Variants in ARID1A observed in about 807,000 individuals in gnomAD.
The protein encoded by ARID1A is AT-rich interaction domain 1A.
Under a neutral mutation model 212.6 loss-of-function variants are expected in ARID1A, and 20 were observed. The observed-to-expected ratio is 0.09, with a 90% CI of 0.07 to 0.14. The LOEUF is 0.14. ARID1A is among the 10% of genes least tolerant of loss of function. ARID1A has a pLI of 1.00. For synonymous variants in ARID1A, 1,376 were observed against 1,222.1 expected (o/e 1.13, Z -2.63); for missense variants, 2,587 against 3,059.0 (o/e 0.85, Z 3.64).
rs770028999 is a variant in ARID1A, at chr1:26,763,273, C to G, written c.2720C>G (p.Ser907Cys). 9 of 1,603,696 alleles carry G rather than the reference C, an allele frequency of 5.6e-6. No homozygotes were observed. In the South Asian group the frequency reaches 8.9e-5, roughly 16 times the overall value. Reference sequence around the variant, plus strand: ...GTCGCCATGCATGTTGCTGCCAACTCTATCCAAAACAGGTAAGGCCTGGGA... The same window carrying G: ...GTCGCCATGCATGTTGCTGCCAACTGTATCCAAAACAGGTAAGGCCTGGGA... ...TAVAMHVAAN[S>C]IQNRPPGYPN... The change falls in exon 8 of 20, where the codon TCT becomes TGT. Residue 907 changes from serine to cysteine, a missense_variant. Ser to Cys is a moderately radical substitution (Grantham distance 112). This residue lies in a region of ARID1A where 674 missense variants were observed against 813.4 expected (regional missense o/e 0.83). Coordinates refer to ENST00000324856, the MANE Select transcript of ARID1A (RefSeq NM_006015.6).
intron 1 of ARID1A, among the ~76,000 whole-genome samples, chr1:26,721,612 C>G (rs1248579969): frequency 6.6e-6 from 1 of 152,106 alleles, no homozygotes; most frequent in East Asian, 1.9e-4. Flanking sequence ...TAAGTTTAGT[C>G]TTAGGAAAAA....
At chr1:26,698,825 C>T (rs1028863866) in intron 1 of ARID1A, among the ~76,000 whole-genome samples, 2 of 151,938 alleles carry the variant, frequency 1.3e-5, no homozygotes, top group African/African-American at 4.8e-5. Context: ...TTATGGGGGG[C>T]CAGAAAACAG....
intron 4 of ARID1A, among the ~76,000 whole-genome samples, chr1:26,750,987 G>T (rs1041730699): frequency 6.6e-6 from 1 of 152,136 alleles, no homozygotes; most frequent in Non-Finnish European, 1.5e-5. Flanking sequence ...GGGCATGGTG[G>T]CTCACACCTG....
intron 19 of ARID1A, among the ~76,000 whole-genome samples, chr1:26,776,402 T>A (rs921795771): frequency 2.0e-5 from 3 of 151,854 alleles, no homozygotes; most frequent in Non-Finnish European, 4.4e-5. Context: ...GCCTCCCAAG[T>A]AGCTGGGACT....
In ARID1A at chr1:26,771,033, A is replaced by AC; in HGVS notation, c.3199-84dup. 8.2e-7 allele frequency: 1 copy of AC among 1,217,738 alleles called. No individual in the cohort carries two copies. 75.4% of individuals were successfully genotyped at this position (1,217,738 alleles called of 1,614,324 possible). ...GAACTGTGGTTCTACAAAGATGAAT[A>AC]CCTTACAGCCTGATGGGGCTTGGGG... On this transcript the variant is annotated intron_variant, in intron 11 of 19. Coordinates refer to ENST00000324856, the MANE Select transcript of ARID1A (RefSeq NM_006015.6). This position sits in a 1 kb window ranked among gnomAD's most constrained non-coding sequence, Gnocchi z 5.4.
At chr1:26,756,964 A>G (rs1370228286) in intron 4 of ARID1A, among the ~76,000 whole-genome samples, 1 of 152,098 alleles carries the variant, frequency 6.6e-6, no homozygotes. Flanking sequence ...AGCCTCCCAA[A>G]GTGCTGGGAT....
chr1:26,774,372 A>G lies in ARID1A; in HGVS notation c.4145A>G (p.Lys1382Arg), dbSNP rs2124117241. 6.4e-7 allele frequency: 1 copy of G among 1,565,604 alleles called. No homozygotes were observed. Among genetic ancestry groups the G allele is most frequent in the Non-Finnish European group, 8.7e-7 (1 of 1,153,296 alleles). ...PMDGTYGPPA[K>R]RHEGEMYSVP... is the part of the protein sequence containing the mutation. ...GATGGCACATATGGCCCTCCTGCCA[A>G]GCGGCACGAAGGGGAGATGTACAGC... The change falls in exon 18 of 20, where the codon AAG (lysine) becomes AGG (arginine). Residue 1382 changes from lysine (K) to arginine (R), a missense_variant. Physicochemically the swap from Lys to Arg is conservative, Grantham distance 26. Transcript: ENST00000324856. The surrounding 1 kb of genome is among the most constrained non-coding windows in gnomAD (Gnocchi z 5.6).
chr1:26,763,637 G>A (rs1403747068), intron 8 of ARID1A, among the ~76,000 whole-genome samples: 2 of 152,200 alleles, frequency 1.3e-5, no homozygotes, highest in Non-Finnish European at 2.9e-5. Flanking sequence ...GGGTGTGGTG[G>A]CGCACGCCTG....
chr1:26,731,708 C>T (rs1451295649), intron 3 of ARID1A, 104 bp downstream of exon 3: 1 of 1,258,180 alleles, frequency 7.9e-7, no homozygotes, highest in Admixed American at 2.2e-5. Flanking sequence ...CTAACGTGCA[C>T]TTAAAGACCA....
rs962566886 is a variant in ARID1A at position 26,696,599 on chromosome 1, C to A, written c.196C>A (p.Pro66Thr). 17 of 1,234,028 alleles carry A rather than the reference C, an allele frequency of 1.4e-5. No homozygotes were observed. The highest frequency in any genetic ancestry group is 1.6e-5 in the Non-Finnish European group (16 of 990,508). The allele number at this position is 1,234,028 out of a possible 1,614,324, so 76.4% of individuals were successfully genotyped here. The change falls in exon 1 of 20, where the codon CCG becomes ACG. Residue 66 changes from proline to threonine, a missense_variant. Transcript: ENST00000324856. ...AAGCGAGGGCCCCGCCGTGGGGCCG[C>A]CGCAGCCGCTGGGAAAGGAGCTGCA... ...QESEGPAVGP[P>T]QPLGKELQDG...
intron 4 of ARID1A, among the ~76,000 whole-genome samples, chr1:26,739,183 G>A (rs1333261304): frequency 9.9e-5 from 15 of 151,934 alleles, no homozygotes; most frequent in South Asian, 6.2e-4. Flanking sequence ...CACTGCGCCC[G>A]GCCCAGCTTC....
Position 26,762,287 on chromosome 1 carries a change from A to G in ARID1A, c.2387A>G (p.Tyr796Cys), listed in dbSNP as rs772620836. ...GSYQQNSMGS[Y>C]GPQGGQYGPQ... ...TACCAGCAGAACTCCATGGGGAGCT[A>G]TGGTCCCCAGGGGGGTCAGTATGGC... The change falls in exon 7 of 20, where the codon TAT becomes TGT. Residue 796 changes from tyrosine to cysteine, a missense_variant. Physicochemically the swap from Tyr to Cys is radical, Grantham distance 194. This residue lies in a region of ARID1A where 674 missense variants were observed against 813.4 expected (regional missense o/e 0.83). Coordinates refer to ENST00000324856, the MANE Select transcript of ARID1A (RefSeq NM_006015.6). The G allele has an allele frequency of 5.0e-6, 8 of 1,614,160 alleles. No homozygotes were observed. The highest frequency in any genetic ancestry group is 3.3e-5 in the Admixed American group (2 of 60,010).
intron 1 of ARID1A, among the ~76,000 whole-genome samples, chr1:26,723,332 A>G (rs1324342039): frequency 1.3e-5 from 2 of 152,202 alleles, no homozygotes; most frequent in Non-Finnish European, 2.9e-5. Flanking sequence ...GGAATGCCCT[A>G]TCACAGGGGA....
chr1:26,729,933 G>A (rs2080657714), intron 2 of ARID1A, 70 bp downstream of exon 2: 2 of 1,540,134 alleles, frequency 1.3e-6, no homozygotes, highest in Admixed American at 1.8e-5. Flanking sequence ...TATAGAATCA[G>A]AATGTATCCT....
At chr1:26,697,716 T>A (rs2080288593) in intron 1 of ARID1A, among the ~76,000 whole-genome samples, 176 bp downstream of exon 1, 1 of 151,780 alleles carries the variant, frequency 6.6e-6, no homozygotes. Context: ...TTCCTCTCCT[T>A]CCCTCCTTCA....
intron 1 of ARID1A, among the ~76,000 whole-genome samples, chr1:26,707,200 AT>A (rs751639614): frequency 3.3e-3 from 334 of 102,602 alleles, no homozygotes; most frequent in South Asian, 8.4e-3. Flanking sequence ...CGGCTGGCTA[AT>A]TTTTTTTTTT....
At chr1:26,756,580 A>C (rs1037005465) in intron 4 of ARID1A, among the ~76,000 whole-genome samples, 1 of 149,978 alleles carries the variant, frequency 6.7e-6, no homozygotes, top group Non-Finnish European at 1.5e-5. Context: ...AAAAAAAAAC[A>C]AAAAAACACA....
chr1:26,752,179 T>A (rs900733583), intron 4 of ARID1A, among the ~76,000 whole-genome samples: 16 of 152,336 alleles, frequency 1.1e-4, no homozygotes, highest in Non-Finnish European at 1.5e-4. Flanking sequence ...AGTACCTGCT[T>A]AATTAACTTC....
In ARID1A at chr1:26,697,268, C is replaced by T. The variant is rs778331057; in HGVS notation, c.865C>T (p.Pro289Ser). Residue 289 changes from proline (P) to serine (S), a missense_variant, in exon 1 of 20, where the codon CCC becomes TCC. Pro to Ser is a moderately conservative substitution (Grantham distance 74, BLOSUM62 -1). Coordinates refer to ENST00000324856, the MANE Select transcript of ARID1A (RefSeq NM_006015.6). The part of the protein sequence containing the change: ...PSAAGGGTPQ[P>S]TATPTLNQLL... ...CGCGGCCGGCGGGGGAACTCCCCAGCCCACCGCCACCCCCACCCTCAACCA... is the reference window on the plus strand; with the variant it reads ...CGCGGCCGGCGGGGGAACTCCCCAGTCCACCGCCACCCCCACCCTCAACCA... The T allele has an allele frequency of 1.4e-4, 187 of 1,367,414 alleles. No individual in the cohort carries two copies. The highest frequency in any genetic ancestry group is 2.2e-4 in the Middle Eastern group (1 of 4,596). 84.7% of individuals were successfully genotyped at this position (1,367,414 alleles called of 1,614,324 possible).
Sources: allele counts gnomAD v4.1 joint callset (sites outside exome capture counted in the v4.1 genomes callset), GRCh38; gene constraint gnomAD v4.1.1; regional missense constraint gnomAD v4.1.1; non-coding constraint Gnocchi (gnomAD v3.1); transcripts MANE v1.5; gene names NCBI Gene and HGNC (gene_info 2026-07-23, HGNC 2026-07-21).